Variants in PRKG2 observed in about 807,000 individuals in gnomAD.
PRKG2 encodes the protein protein kinase cGMP-dependent 2.
PRKG2 carries 33 observed loss-of-function variants against 97.2 expected under a neutral mutation model. The observed-to-expected ratio is 0.34, with a 90% CI of 0.26 to 0.45. The LOEUF (loss-of-function observed/expected upper bound fraction) is 0.45. Among genes scored for constraint, PRKG2 ranks in the 20% least tolerant of loss-of-function variants. PRKG2 has a pLI of 1.00. For synonymous variants in PRKG2, 330 were observed against 321.8 expected, an observed-to-expected ratio of 1.03 and a Z score of -0.27; for missense variants, 638 against 900.0, an observed-to-expected ratio of 0.71 and a Z score of 3.73.
At chr4:81,097,214 G>C (rs990567439) in intron 17 of PRKG2, among the ~76,000 whole-genome samples, 6 of 152,102 alleles carry the variant, frequency 3.9e-5, no homozygotes, top group African/African-American at 1.4e-4. Context: ...CAGAATGGAT[G>C]TTAACAGCCA....
intron 1 of PRKG2, among the ~76,000 whole-genome samples, chr4:81,212,483 A>G (rs1754032707): frequency 6.6e-6 from 1 of 152,198 alleles, no homozygotes; most frequent in Non-Finnish European, 1.5e-5. Context: ...AAAGACGATG[A>G]GGATTTGAAA....
At chr4:81,104,817 G>A (rs956097549) in intron 16 of PRKG2, among the ~76,000 whole-genome samples, 3 of 151,922 alleles carry the variant, frequency 2.0e-5, no homozygotes, top group East Asian at 1.9e-4. Flanking sequence ...CCATAGCTAC[G>A]TTTTTAGTTC....
rs1209058717 is a variant in PRKG2 at position 81,149,026 on chromosome 4, C to T, written c.1086-74G>A. ...ACATCCACTTTTATTAGGGAATGTA[C>T]TAACTTTGTATGAAAACACCACCAT... On this transcript the variant is annotated intron_variant, in intron 8 of 18. Transcript: ENST00000264399. 19 of 1,419,056 alleles carry T rather than the reference C, an allele frequency of 1.3e-5. No homozygotes were observed. In the Admixed American group the frequency reaches 2.5e-4, roughly 19 times the overall value. The allele number at this position is 1,419,056 out of a possible 1,614,324, so 87.9% of individuals were successfully genotyped here. A position where few individuals can be genotyped will look rare whatever the true frequency, so the allele number is the denominator to read the frequency against.
Position 81,156,756 on chromosome 4 carries a change from A to G in PRKG2, c.913-3035T>C, listed in dbSNP as rs1326945708. ...TCTCAGACCACAGTGCAATCAAACT[A>G]GAACTCAGGATTAAGAATCTCACTC... On this transcript the variant is annotated intron_variant, in intron 6 of 18. Transcript: ENST00000264399. 2.6e-5 allele frequency among the ~76,000 whole-genome samples: 4 copies of G among 152,252 alleles called. 1 individual carries two copies. The highest frequency in any genetic ancestry group is 3.2e-3 in the Middle Eastern group (1 of 316).
At chr4:81,195,924 G>A (rs914913233) in intron 2 of PRKG2, among the ~76,000 whole-genome samples, 1 of 152,204 alleles carries the variant, frequency 6.6e-6, no homozygotes, top group African/African-American at 2.4e-5. Context: ...AAGGCTTGGT[G>A]AATGAGGAGT....
At chr4:81,209,146 A>G (rs1245887857) in intron 1 of PRKG2, among the ~76,000 whole-genome samples, 2 of 152,168 alleles carry the variant, frequency 1.3e-5, no homozygotes, top group Non-Finnish European at 2.9e-5. Context: ...CCATTTAGAA[A>G]TTGCTGTCCA....
chr4:81,211,505 C>T (rs777227628), intron 1 of PRKG2, among the ~76,000 whole-genome samples: 14 of 152,072 alleles, frequency 9.2e-5, no homozygotes, highest in Non-Finnish European at 1.9e-4. Flanking sequence ...TTTCCTACGC[C>T]ACATTATGGT....
chr4:81,164,638 G>A (rs1176874193), intron 6 of PRKG2, among the ~76,000 whole-genome samples: 1 of 152,086 alleles, frequency 6.6e-6, no homozygotes, highest in Non-Finnish European at 1.5e-5. Flanking sequence ...AGAGTGTTAG[G>A]TGTGGATCTG....
intron 7 of PRKG2, among the ~76,000 whole-genome samples, chr4:81,153,011 T>C (rs1748570725): frequency 6.6e-6 from 1 of 152,232 alleles, no homozygotes; most frequent in Non-Finnish European, 1.5e-5. Context: ...AATTGGCCCT[T>C]CCCTTCAATA....
At chr4:81,209,856 G>C (rs1753876287) in intron 1 of PRKG2, among the ~76,000 whole-genome samples, 1 of 151,888 alleles carries the variant, frequency 6.6e-6, no homozygotes, top group Non-Finnish European at 1.5e-5. Flanking sequence ...GTGTTGTATT[G>C]GTGAAAAAAT....
intron 13 of PRKG2, 32 bp from the exon 14 acceptor site, chr4:81,135,328 T>A: frequency 6.2e-7 from 1 of 1,604,214 alleles, no homozygotes; most frequent in Non-Finnish European, 8.5e-7. Context: ...TCTTAATACT[T>A]TGGATACACA....
At chr4:81,199,164 C>A (rs1386972520) in intron 2 of PRKG2, among the ~76,000 whole-genome samples, 5 of 151,962 alleles carry the variant, frequency 3.3e-5, no homozygotes. Context: ...AGGTATAGAG[C>A]CTCTCATATG....
intron 14 of PRKG2, among the ~76,000 whole-genome samples, chr4:81,129,825 G>A (rs922956177): frequency 2.6e-5 from 4 of 152,000 alleles, no homozygotes; most frequent in African/African-American, 9.7e-5. Context: ...CATTTAGCTT[G>A]TTTACACTTA....
intron 10 of PRKG2, 136 bp from the exon 11 acceptor site, chr4:81,143,083 A>T: frequency 8.8e-7 from 1 of 1,141,228 alleles, no homozygotes; most frequent in Non-Finnish European, 1.2e-6. Flanking sequence ...GGCTATCCCA[A>T]CTTTTATGGA....
In PRKG2 at chr4:81,092,371, T is replaced by G. The variant is rs140292835; in HGVS notation, c.2193+15A>C. ...CTGGGAAAAAAATAAAAAAGTAATATAATAAATACAATACCTCTCTTTGCA... is the reference window on the plus strand; with the variant it reads ...CTGGGAAAAAAATAAAAAAGTAATAGAATAAATACAATACCTCTCTTTGCA... On this transcript the variant is annotated intron_variant, in intron 18 of 18. Transcript: ENST00000264399. 4 of 1,499,566 alleles carry G rather than the reference T, an allele frequency of 2.7e-6. No individual in the cohort carries two copies. In the Admixed American group the frequency reaches 8.1e-5, roughly 30 times the overall value. 92.9% of individuals were successfully genotyped at this position (1,499,566 alleles called of 1,614,324 possible). A position where few individuals can be genotyped will look rare whatever the true frequency, so the allele number is the denominator to read the frequency against.
chr4:81,181,618 T>A (rs1751417133), intron 2 of PRKG2, among the ~76,000 whole-genome samples: 1 of 141,422 alleles, frequency 7.1e-6, no homozygotes, highest in Non-Finnish European at 1.5e-5. Flanking sequence ...AAATGATAAT[T>A]CACAACAAGA....
In PRKG2 at chr4:81,108,029, A is replaced by G. The variant is rs559728333; in HGVS notation, c.1941-2094T>C. ...AGACCAGCCTGGCCAACATGACAAAACCCTGTCTCTACTAAAAATACAAAA... is the reference window on the plus strand; with the variant it reads ...AGACCAGCCTGGCCAACATGACAAAGCCCTGTCTCTACTAAAAATACAAAA... On this transcript the variant is annotated intron_variant, in intron 15 of 18. Coordinates refer to ENST00000264399, the MANE Select transcript of PRKG2 (RefSeq NM_006259.3). Among the ~76,000 whole-genome samples, 161 of 151,846 alleles carry G rather than the reference A, an allele frequency of 1.1e-3. 1 individual carries two copies. The highest frequency in any genetic ancestry group is 3.6e-3 in the African/African-American group (151 of 41,380).
At chr4:81,136,000 T>A (rs529911355) in intron 13 of PRKG2, among the ~76,000 whole-genome samples, 67 of 152,062 alleles carry the variant, frequency 4.4e-4, no homozygotes, top group African/African-American at 1.6e-3. Flanking sequence ...AAAGGTTTGA[T>A]ACTCACTTAA....
intron 17 of PRKG2, among the ~76,000 whole-genome samples, chr4:81,102,050 C>T (rs910203268): frequency 2.0e-5 from 3 of 152,102 alleles, no homozygotes; most frequent in Non-Finnish European, 4.4e-5. Context: ...TCTACACAAC[C>T]GAAGACACCG....
Sources: allele counts gnomAD v4.1 joint callset (sites outside exome capture counted in the v4.1 genomes callset), GRCh38; gene constraint gnomAD v4.1.1; transcripts MANE v1.5; gene names NCBI Gene and HGNC (gene_info 2026-07-23, HGNC 2026-07-21).